The following TRAPPC3 variants were observed in gnomAD, a reference collection of about 807,000 sequenced individuals.
The protein encoded by TRAPPC3 is trafficking protein particle complex 3.
Under a neutral mutation model 18.2 loss-of-function variants are expected in TRAPPC3, and 5 were observed. The observed-to-expected ratio is 0.28, with a 90% confidence interval of 0.14 to 0.58. The LOEUF is 0.58. TRAPPC3 is among the 20% of genes least tolerant of loss of function. TRAPPC3 has a pLI of 0.91. For synonymous variants in TRAPPC3, 65 were observed against 84.2 expected, an observed-to-expected ratio of 0.77 and a Z score of 1.25; for missense variants, 176 against 225.9, an observed-to-expected ratio of 0.78 and a Z score of 1.41.
At chr1:36,151,179 G>T (rs184911681), upstream of TRAPPC3, among the ~76,000 whole-genome samples, 11 of 152,210 alleles carry the variant, frequency 7.2e-5, no homozygotes, top group African/African-American at 2.2e-4. Flanking sequence ...GGGGGTGGGG[G>T]CCATCTCAGG....
At chr1:36,146,119 G>A (rs537470871) in intron 1 of TRAPPC3, among the ~76,000 whole-genome samples, 9 of 150,562 alleles carry the variant, frequency 6.0e-5, no homozygotes, top group African/African-American at 2.0e-4. Flanking sequence ...TGTTGCTATC[G>A]CCAGGCGGGA....
At chr1:36,140,216 G>A in intron 1 of TRAPPC3, 50 bp from the exon 2 acceptor site, 2 of 1,260,700 alleles carry the variant, frequency 1.6e-6, no homozygotes, top group Non-Finnish European at 2.2e-6. Flanking sequence ...AAAAGAGAAA[G>A]CGTGGTGAGA....
chr1:36,139,966 G>A (rs1178908652), intron 2 of TRAPPC3, 103 bp downstream of exon 2: 2 of 1,464,456 alleles, frequency 1.4e-6, no homozygotes, highest in Admixed American at 4.6e-5. Context: ...CAAAATGTTG[G>A]CTAAGAAAGA....
At chr1:36,138,179 C>T (rs761181125) in intron 3 of TRAPPC3, 34 of 1,550,696 alleles carry the variant, frequency 2.2e-5, no homozygotes, top group Non-Finnish European at 3.0e-5. Flanking sequence ...CGGCATCATA[C>T]AGTTTTGCCT....
At chr1:36,154,079 A>G (rs1644291847), upstream of TRAPPC3, among the ~76,000 whole-genome samples, 1 of 152,140 alleles carries the variant, frequency 6.6e-6, no homozygotes, top group Non-Finnish European at 1.5e-5. Context: ...ATCTTGGCTC[A>G]CTGCAACCTC....
At chr1:36,146,058 G>A (rs1249047489) in intron 1 of TRAPPC3, among the ~76,000 whole-genome samples, 3 of 151,512 alleles carry the variant, frequency 2.0e-5, no homozygotes, top group Non-Finnish European at 4.4e-5. Context: ...GATTACAGGC[G>A]TGAGCCACAG....
upstream of TRAPPC3, among the ~76,000 whole-genome samples, chr1:36,151,257 T>C (rs1644269230): frequency 5.3e-5 from 8 of 152,130 alleles, no homozygotes; most frequent in Admixed American, 5.2e-4. Context: ...GCACAGTGGC[T>C]CATGCCAGTA....
intron 1 of TRAPPC3, among the ~76,000 whole-genome samples, chr1:36,144,989 C>G (rs1557760762): frequency 6.6e-6 from 1 of 152,130 alleles, no homozygotes; most frequent in Admixed American, 6.5e-5. Context: ...GTGCCCCAAA[C>G]AAAATGTCAA....
chr1:36,139,575 G>C, intron 3 of TRAPPC3, 145 bp downstream of exon 3: 2 of 1,036,962 alleles, frequency 1.9e-6, no homozygotes, highest in Non-Finnish European at 2.8e-6. Flanking sequence ...ATTCCCTAAC[G>C]ACCTGGAATG....
At position 36,139,795 on chromosome 1, in the gene TRAPPC3, C is replaced by T; in HGVS notation, c.165G>A (p.Leu55=). The part of the protein sequence containing the change: ...DKMGFNIGVR[L]IEDFLARSNV... ...TTGACCGAGCCAAGAAATCTTCAAT[C>T]AGCCGGACTCCAATGTTAAAGCCCC... The change falls in exon 3 of 5, where the codon CTG becomes CTA. Residue 55 remains leucine, a synonymous_variant. Coordinates refer to ENST00000373166, the MANE Select transcript of TRAPPC3 (RefSeq NM_014408.5). 2 of 1,614,166 alleles carry T rather than the reference C, an allele frequency of 1.2e-6. No individual in the cohort carries two copies. Among genetic ancestry groups the T allele is most frequent in the Non-Finnish European group, 1.7e-6 (2 of 1,180,032 alleles).
At chr1:36,142,984 A>G (rs990470748) in intron 1 of TRAPPC3, among the ~76,000 whole-genome samples, 4 of 152,202 alleles carry the variant, frequency 2.6e-5, no homozygotes, top group Admixed American at 1.3e-4. Context: ...GTGAACTGTA[A>G]TTGTACCACT....
rs2231318 is a variant in TRAPPC3, at chr1:36,137,342, C to T, written c.424-20G>A. 1,208,790 of 1,599,800 alleles carry T rather than the reference C, an allele frequency of 0.76. 458,586 individuals are homozygous for T. Among genetic ancestry groups the T allele is most frequent in the African/African-American group, 0.84 (62,445 of 74,766 alleles). On this transcript the variant is annotated intron_variant, in intron 4 of 4. Transcript: ENST00000373166. ...CTGGACCTGGGGGACAGTGGGAAAA[C>T]GAAGGGGTAGCTGCCTGGCCACAGC...
chr1:36,144,662 T>G (rs915729268), intron 1 of TRAPPC3, among the ~76,000 whole-genome samples: 1 of 152,206 alleles, frequency 6.6e-6, no homozygotes, highest in African/African-American at 2.4e-5. Flanking sequence ...AGCCTGATTC[T>G]GAGTCTGGAC....
At chr1:36,143,387 A>G (rs1004700622) in intron 1 of TRAPPC3, among the ~76,000 whole-genome samples, 1 of 152,246 alleles carries the variant, frequency 6.6e-6, no homozygotes, top group African/African-American at 2.4e-5. Context: ...ATCCTGAGGT[A>G]CAAGTATGCC....
rs367572108 is a variant in TRAPPC3 at position 36,139,701 on chromosome 1, G to T, written c.240+19C>A. ...CAGCAGCAATTCTTCAGCATGGACA[G>T]GTGGCCCAGAATAATGACCTTGGCA... is the stretch of plus-strand genomic sequence containing the variant. On this transcript the variant is annotated intron_variant, in intron 3 of 4. Coordinates refer to ENST00000373166, the MANE Select transcript of TRAPPC3 (RefSeq NM_014408.5). 20 of 1,613,788 alleles carry T rather than the reference G, an allele frequency of 1.2e-5. No homozygotes were observed. The African/African-American group carries it at 2.5e-4, about 20-fold the overall frequency.
chr1:36,146,457 C>T (rs1368674902), intron 1 of TRAPPC3, among the ~76,000 whole-genome samples: 18 of 151,800 alleles, frequency 1.2e-4, no homozygotes, highest in Non-Finnish European at 1.5e-4. Flanking sequence ...CCACCGCGAC[C>T]GGCTAATTTT....
chr1:36,148,967 A>G (rs143265362), intron 1 of TRAPPC3: 509 of 826,340 alleles, frequency 6.2e-4, no homozygotes, highest in Middle Eastern at 3.6e-3. Context: ...CAAGCTGTAA[A>G]ACGGCAATGT....
exon 1 of TRAPPC3, chr1:36,156,012 C>G (rs573136128): frequency 6.1e-6 from 1 of 163,332 alleles, no homozygotes; most frequent in East Asian, 1.8e-4. Flanking sequence ...GCTGCGGGCG[C>G]GGGGCTCCGG....
At chr1:36,140,212 G>A (rs1570087178) in intron 1 of TRAPPC3, 46 bp from the exon 2 acceptor site, 2 of 1,302,002 alleles carry the variant, frequency 1.5e-6, no homozygotes, top group African/African-American at 1.5e-5. Context: ...GCACAAAAGA[G>A]AAAGCGTGGT....
Sources: gnomAD v4.1 joint callset for allele counts (sites outside exome capture counted in the v4.1 genomes callset) on GRCh38, gnomAD v4.1.1 for gene constraint, MANE v1.5 for transcripts, NCBI Gene and HGNC (gene_info 2026-07-23, HGNC 2026-07-21) for gene names.